Variants in NDUFAF7 observed in about 807,000 individuals in gnomAD.
NDUFAF7 encodes NADH:ubiquinone oxidoreductase complex assembly factor 7.
Under a neutral mutation model 47.2 loss-of-function variants are expected in NDUFAF7, and 48 were observed. That is an observed-to-expected ratio of 1.02 (90% CI 0.81 to 1.29). The LOEUF (loss-of-function observed/expected upper bound fraction) is 1.29. NDUFAF7 is among the 50% of genes most tolerant of loss of function. The probability of loss-of-function intolerance (pLI) is 0.00; values close to 1 mark genes in which losing one functional copy is unlikely to be tolerated. For synonymous variants in NDUFAF7, 217 were observed against 190.0 expected, an observed-to-expected ratio of 1.14 and a Z score of -1.17; for missense variants, 635 against 537.6, an observed-to-expected ratio of 1.18 and a Z score of -1.79.
chr2:37,243,703 G>T (rs1666605662), intron 6 of NDUFAF7, among the ~76,000 whole-genome samples, 160 bp from the exon 7 acceptor site: 1 of 152,122 alleles, frequency 6.6e-6, no homozygotes, highest in Admixed American at 6.6e-5. Context: ...TCTACTCATT[G>T]TTCAAAGGCA....
chr2:37,261,798 G>C, the NDUFAF7 span, among the ~76,000 whole-genome samples: 2 of 141,290 alleles, frequency 1.4e-5, no homozygotes. Context: ...AAAAAACCCA[G>C]ACGGTCCCCA....
downstream of NDUFAF7, among the ~76,000 whole-genome samples, chr2:37,256,440 C>CT (rs1322725548): frequency 6.6e-6 from 1 of 151,926 alleles, no homozygotes; most frequent in Non-Finnish European, 1.5e-5. Flanking sequence ...GCCACTGGGG[C>CT]CTATGTAAGT....
At chr2:37,234,829 G>A (rs1369244055) in intron 2 of NDUFAF7, among the ~76,000 whole-genome samples, 4 of 152,120 alleles carry the variant, frequency 2.6e-5, no homozygotes, top group Non-Finnish European at 4.4e-5. Flanking sequence ...CCCCAGATTA[G>A]GTTAGAGGCC....
chr2:37,259,471 TG>T, the NDUFAF7 span: 1 of 632,750 alleles, frequency 1.6e-6, no homozygotes, highest in Non-Finnish European at 2.6e-6. Context: ...AAACTATTTT[TG>T]TAAGGTGGTA....
chr2:37,257,008 T>C (rs1164308319), downstream of NDUFAF7: 10 of 1,445,606 alleles, frequency 6.9e-6, no homozygotes, highest in Admixed American at 5.3e-5. Flanking sequence ...TAACACTGTA[T>C]GTATCATTTC....
chr2:37,237,900 A>T, intron 4 of NDUFAF7, 33 bp downstream of exon 4: 1 of 1,470,590 alleles, frequency 6.8e-7, no homozygotes, highest in Non-Finnish European at 9.5e-7. Context: ...CTAGTCTCAT[A>T]TAAGTGAATT....
Position 37,248,278 on chromosome 2 carries a change from T to C in NDUFAF7, c.1254T>C (p.Tyr418=), listed in dbSNP as rs142954245. ...ATCAGAGACTTCAAGGTGGAAGATA[T>C]CAGAGGAATGCACGTCAGTCAAAAC... ...LPHQRLQGGR[Y]QRNARQSKPF... Residue 418 remains tyrosine, a synonymous_variant, in exon 10 of 10, where the codon TAT becomes TAC. Transcript: ENST00000002125. 1.3e-5 allele frequency: 21 copies of C among 1,614,022 alleles called. No individual in the cohort carries two copies. The highest frequency in any genetic ancestry group is 9.3e-5 in the African/African-American group (7 of 74,924).
the NDUFAF7 span, among the ~76,000 whole-genome samples, chr2:37,263,369 G>A: frequency 2.2e-4 from 33 of 152,018 alleles, no homozygotes; most frequent in Non-Finnish European, 3.8e-4. Context: ...CTGTTTATAC[G>A]ACTGCTTTTT....
At chr2:37,253,914 TTAAAA>T (rs1340336636), downstream of NDUFAF7, among the ~76,000 whole-genome samples, 1 of 152,178 alleles carries the variant, frequency 6.6e-6, no homozygotes, top group Non-Finnish European at 1.5e-5. Context: ...CAGTAGACAT[TTAAAA>T]TAAATTTGAT....
chr2:37,269,448 GA>G, the NDUFAF7 span: 3 of 615,868 alleles, frequency 4.9e-6, no homozygotes, highest in South Asian at 5.9e-5. Context: ...ATTAAGGGAA[GA>G]ATACTCAAAT....
At chr2:37,251,178 AGG>A (rs1667459786), downstream of NDUFAF7, 1 of 152,600 alleles carries the variant, frequency 6.6e-6, no homozygotes, top group Non-Finnish European at 1.5e-5. Context: ...CCTCTATCAC[AGG>A]GAAAATAACA....
At chr2:37,269,498 C>G in the NDUFAF7 span, 1 of 806,760 alleles carries the variant, frequency 1.2e-6, no homozygotes, top group Non-Finnish European at 2.1e-6. Flanking sequence ...AACAAGTCAG[C>G]CTTTAAAAAA....
chr2:37,250,165 G>A (rs921031166), downstream of NDUFAF7, among the ~76,000 whole-genome samples: 1 of 151,980 alleles, frequency 6.6e-6, no homozygotes, highest in South Asian at 2.1e-4. Flanking sequence ...AAGGAAGACG[G>A]AGGCCTTGCT....
downstream of NDUFAF7, chr2:37,250,738 A>G (rs550500658): frequency 1.3e-5 from 2 of 152,418 alleles, no homozygotes; most frequent in South Asian, 4.1e-4. Flanking sequence ...TTTATTATCA[A>G]GCTTCCAGTA....
intron 2 of NDUFAF7, 89 bp from the exon 3 acceptor site, chr2:37,236,007 C>G: frequency 1.8e-6 from 2 of 1,126,610 alleles, no homozygotes; most frequent in Non-Finnish European, 2.7e-6. Flanking sequence ...AATTATTTCA[C>G]TTTTACATTA....
Position 37,247,624 on chromosome 2 carries a change from C to G in NDUFAF7, c.1105C>G (p.Leu369Val), listed in dbSNP as rs1375997777. 1 of 1,613,748 alleles carries G rather than the reference C, an allele frequency of 6.2e-7. No individual in the cohort carries two copies. Among genetic ancestry groups the G allele is most frequent in the East Asian group, 2.2e-5 (1 of 44,872 alleles). The change falls in exon 9 of 10, where the codon CTG (leucine) becomes GTG (valine). Residue 369 changes from leucine to valine, a missense_variant. By Grantham distance (32) the Leu-to-Val change is conservative (BLOSUM62 1). Coordinates refer to ENST00000002125, the MANE Select transcript of NDUFAF7 (RefSeq NM_144736.5). The stretch of plus-strand genomic sequence containing the variant: ...AAAAAATATGGGTATTGATGTCCGG[C>G]TGAAGGTAAGGTTTATTTTATTTCA... ...FLKNMGIDVR[L>V]KVLLDKSNEP...
downstream of NDUFAF7, among the ~76,000 whole-genome samples, chr2:37,249,991 A>C (rs1400983422): frequency 6.6e-6 from 1 of 151,652 alleles, no homozygotes; most frequent in African/African-American, 2.4e-5. Context: ...ATGTGGACCA[A>C]CACAAATATG....
downstream of NDUFAF7, among the ~76,000 whole-genome samples, chr2:37,257,666 CAAAAG>C (rs1372020311): frequency 0.21 from 12,543 of 61,166 alleles, 939 homozygotes; most frequent in South Asian, 0.34. Flanking sequence ...GACTCTGTCT[CAAAAG>C]AAAAAAAAAA....
chr2:37,260,165 A>T, the NDUFAF7 span: 260 of 439,022 alleles, frequency 5.9e-4, no homozygotes, highest in Non-Finnish European at 8.5e-4. Context: ...CTCTTGTCTT[A>T]AAAAAAAAAA....
Sources: allele counts gnomAD v4.1 joint callset (sites outside exome capture counted in the v4.1 genomes callset), GRCh38; gene constraint gnomAD v4.1.1; transcripts MANE v1.5; gene names NCBI Gene and HGNC (gene_info 2026-07-23, HGNC 2026-07-21).